The following FHOD3 variants were observed in gnomAD, a reference collection of about 807,000 sequenced individuals.
FHOD3 encodes the protein FH1/FH2 domain-containing protein 3.
Under a neutral mutation model 173.0 loss-of-function variants are expected in FHOD3, and 90 were observed. That is an observed-to-expected ratio of 0.52 (90% confidence interval 0.44 to 0.62). The LOEUF is 0.62. Among genes scored for constraint, FHOD3 ranks in the 20% least tolerant of loss-of-function variants. The pLI is 0.00. For missense variants in FHOD3, 1,945 were observed against 2,034.7 expected, an observed-to-expected ratio of 0.96 and a Z score of 0.85; for synonymous variants, 828 against 823.0, an observed-to-expected ratio of 1.01 and a Z score of -0.10.
chr18:36,656,180 G>T (rs2036416036), intron 13 of FHOD3, among the ~76,000 whole-genome samples: 3 of 152,106 alleles, frequency 2.0e-5, no homozygotes, highest in African/African-American at 7.2e-5. Flanking sequence ...TTCCCTCTTT[G>T]CTCATTGGCT....
chr18:36,403,482 G>C (rs2048919514), intron 3 of FHOD3, among the ~76,000 whole-genome samples: 1 of 152,132 alleles, frequency 6.6e-6, no homozygotes, highest in African/African-American at 2.4e-5. Flanking sequence ...CCTCCTGTGT[G>C]CCGGGGTTAC....
intron 25 of FHOD3, among the ~76,000 whole-genome samples, chr18:36,757,706 CTCT>C (rs917135631): frequency 6.6e-6 from 1 of 152,190 alleles, no homozygotes; most frequent in African/African-American, 2.4e-5. Context: ...GTGCCTATCC[CTCT>C]TCTTCTCCCC....
chr18:36,472,748 T>C (rs1350167863), intron 3 of FHOD3, among the ~76,000 whole-genome samples: 3 of 152,226 alleles, frequency 2.0e-5, no homozygotes, highest in African/African-American at 7.2e-5. Flanking sequence ...TCAATACTTC[T>C]TTTTTTCTAC....
At chr18:36,648,430 T>C (rs1206841323) in intron 10 of FHOD3, among the ~76,000 whole-genome samples, 2 of 152,132 alleles carry the variant, frequency 1.3e-5, no homozygotes, top group Admixed American at 6.5e-5. Flanking sequence ...AATGTCCCAG[T>C]TTTTAAAGTT....
At chr18:36,741,187 G>A (rs2041884934) in intron 21 of FHOD3, among the ~76,000 whole-genome samples, 3 of 152,096 alleles carry the variant, frequency 2.0e-5, no homozygotes, top group African/African-American at 4.8e-5. Flanking sequence ...ATCCTTCCAC[G>A]TGATGATAAT....
intron 16 of FHOD3, among the ~76,000 whole-genome samples, chr18:36,687,992 G>A (rs79068548): frequency 1.0e-3 from 159 of 152,266 alleles, no homozygotes; most frequent in Non-Finnish European, 1.9e-3. Context: ...AAATGTTGCT[G>A]TAATATTCGA....
chr18:36,329,639 A>G (rs985914985), intron 1 of FHOD3, among the ~76,000 whole-genome samples: 1 of 152,162 alleles, frequency 6.6e-6, no homozygotes, highest in Admixed American at 6.5e-5. Context: ...GGATGCAGAA[A>G]GAGGGAGTAC....
chr18:36,368,276 G>A (rs952237), intron 2 of FHOD3, among the ~76,000 whole-genome samples: 51,925 of 152,014 alleles, frequency 0.34, 9,501 homozygotes, highest in East Asian at 0.66. Context: ...CATATACTTT[G>A]TGCATCTCAT....
intron 5 of FHOD3, among the ~76,000 whole-genome samples, chr18:36,561,118 T>C (rs994381506): frequency 2.6e-5 from 4 of 152,220 alleles, no homozygotes; most frequent in African/African-American, 7.2e-5. Context: ...TAAGAATTTA[T>C]GGTCTGAAGT....
intron 3 of FHOD3, among the ~76,000 whole-genome samples, chr18:36,374,442 G>GA (rs1229710597): frequency 1.3e-5 from 2 of 152,136 alleles, no homozygotes; most frequent in Admixed American, 1.3e-4. Context: ...GTAATTTAAT[G>GA]AAATAGTACC....
At chr18:36,504,803 T>C (rs1241463067) in intron 4 of FHOD3, among the ~76,000 whole-genome samples, 1 of 152,180 alleles carries the variant, frequency 6.6e-6, no homozygotes, top group Non-Finnish European at 1.5e-5. Flanking sequence ...TGTGCTTACC[T>C]GTTGTACAAG....
At chr18:36,618,660 T>C (rs957979616) in intron 9 of FHOD3, among the ~76,000 whole-genome samples, 4 of 152,228 alleles carry the variant, frequency 2.6e-5, no homozygotes, top group African/African-American at 7.2e-5. Context: ...TGGTTGGTAC[T>C]AATTTATTGA....
At chr18:36,428,316 G>A (rs892340013) in intron 3 of FHOD3, among the ~76,000 whole-genome samples, 1 of 152,192 alleles carries the variant, frequency 6.6e-6, no homozygotes, top group African/African-American at 2.4e-5. Context: ...GTATGTCTGT[G>A]TAGTAAGCGT....
At chr18:36,370,048 G>A (rs1208035666) in intron 2 of FHOD3, among the ~76,000 whole-genome samples, 1 of 152,198 alleles carries the variant, frequency 6.6e-6, no homozygotes, top group Non-Finnish European at 1.5e-5. Flanking sequence ...GGAAGCAGGG[G>A]TAGGGAAGGG....
At chr18:36,449,923 TA>T (rs535601548) in intron 3 of FHOD3, among the ~76,000 whole-genome samples, 62 of 150,660 alleles carry the variant, frequency 4.1e-4, no homozygotes, top group African/African-American at 7.8e-4. Context: ...TCATTTAAAT[TA>T]AAAAAAAAAT....
At chr18:36,671,021 A>G (rs1235872440) in intron 14 of FHOD3, among the ~76,000 whole-genome samples, 2 of 152,224 alleles carry the variant, frequency 1.3e-5, no homozygotes, top group African/African-American at 4.8e-5. Context: ...TGCCTTATAT[A>G]ATTTCCAGAC....
At chr18:36,331,266 T>G (rs1437132181) in intron 1 of FHOD3, among the ~76,000 whole-genome samples, 2 of 152,228 alleles carry the variant, frequency 1.3e-5, no homozygotes, top group Admixed American at 1.3e-4. Flanking sequence ...GGGGTTTTAG[T>G]CCTCTCTCAG....
At chr18:36,399,609 G>T (rs751971246) in intron 3 of FHOD3, among the ~76,000 whole-genome samples, 1 of 152,166 alleles carries the variant, frequency 6.6e-6, no homozygotes, top group African/African-American at 2.4e-5. Flanking sequence ...TGCCCTTGGG[G>T]CTCAGGGCAT....
At chr18:36,605,615 T>A (rs144314214) in intron 8 of FHOD3, among the ~76,000 whole-genome samples, 1 of 151,962 alleles carries the variant, frequency 6.6e-6, no homozygotes, top group East Asian at 1.9e-4. Flanking sequence ...CTTCTCAAGG[T>A]CATCACCAAG....
Sources: allele counts gnomAD v4.1 joint callset (sites outside exome capture counted in the v4.1 genomes callset), GRCh38; gene constraint gnomAD v4.1.1; transcripts MANE v1.5; gene names NCBI Gene and HGNC (gene_info 2026-07-23, HGNC 2026-07-21).